Variants in TENM3 observed in about 807,000 individuals in gnomAD.
The protein encoded by TENM3 is teneurin transmembrane protein 3.
A neutral mutation model predicts 255.1 loss-of-function variants in TENM3; 63 were observed. The ratio of observed to expected loss-of-function variants is 0.25; its 90% CI spans 0.20 to 0.30. The LOEUF (loss-of-function observed/expected upper bound fraction) is 0.30, where lower values mean the gene tolerates loss of function less well. TENM3 is among the 10% of genes least tolerant of loss of function. TENM3 has a pLI of 1.00. For synonymous variants in TENM3, 1,306 were observed against 1,322.3 expected, an observed-to-expected ratio of 0.99 and a Z score of 0.27; for missense variants, 2,929 against 3,461.1, an observed-to-expected ratio of 0.85 and a Z score of 3.86.
chr4:181,809,436 G>A, the TENM3 span, among the ~76,000 whole-genome samples: 2 of 152,086 alleles, frequency 1.3e-5, no homozygotes, highest in Non-Finnish European at 2.9e-5. Context: ...TCCACGGTTC[G>A]GGTGTTTGTA....
the TENM3 span, among the ~76,000 whole-genome samples, chr4:181,883,979 A>C: frequency 6.6e-6 from 1 of 152,190 alleles, no homozygotes; most frequent in Non-Finnish European, 1.5e-5. Flanking sequence ...GGGAGGCTGC[A>C]TCCTGGTCCC....
At chr4:182,492,685 T>G (rs940396507) in intron 3 of TENM3, among the ~76,000 whole-genome samples, 1 of 152,124 alleles carries the variant, frequency 6.6e-6, no homozygotes, top group African/African-American at 2.4e-5. Flanking sequence ...TGCCAAATCT[T>G]CAGAGAGGTT....
intron 1 of TENM3, among the ~76,000 whole-genome samples, chr4:182,268,429 C>A (rs1401572263): frequency 2.0e-5 from 3 of 152,044 alleles, no homozygotes; most frequent in African/African-American, 7.2e-5. Flanking sequence ...CCCTCTGCAA[C>A]CCTTAAAATG....
the TENM3 span, among the ~76,000 whole-genome samples, chr4:181,530,559 T>TC: frequency 3.3e-5 from 5 of 152,116 alleles, no homozygotes; most frequent in Non-Finnish European, 7.4e-5. Flanking sequence ...AAAGCATTTT[T>TC]CCCCCCATTG....
chr4:181,692,906 G>A, the TENM3 span, among the ~76,000 whole-genome samples: 2 of 152,186 alleles, frequency 1.3e-5, no homozygotes, highest in East Asian at 3.9e-4. Context: ...CTTTGCCACA[G>A]AAGCTGGAGA....
At chr4:182,308,117 C>T (rs1762239338) in intron 1 of TENM3, among the ~76,000 whole-genome samples, 1 of 152,212 alleles carries the variant, frequency 6.6e-6, no homozygotes, top group South Asian at 2.1e-4. Context: ...GGGCCACTTA[C>T]TCAAGAGCCT....
Position 182,799,897 on chromosome 4 carries a change from T to G in TENM3, c.7646T>G (p.Phe2549Cys). ...ATCGAGGGCAAGGACACGCACTACT[T>G]CATCAAGACCACCACGCCCGAGAGC... ...FTIEGKDTHYFIKTTTPESDL... is the reference protein window; with the variant it reads ...FTIEGKDTHYCIKTTTPESDL... Residue 2549 changes from phenylalanine (F) to cysteine (C), a missense_variant, in exon 28 of 28, where the codon TTC becomes TGC. This residue lies in a region of TENM3 where 476 missense variants were observed against 480.1 expected (regional missense o/e 0.99). Coordinates refer to ENST00000511685, the MANE Select transcript of TENM3 (RefSeq NM_001080477.4). This position sits in a 1 kb window ranked among gnomAD's most constrained non-coding sequence, Gnocchi z 4.2. The G allele has an allele frequency of 6.2e-7, 1 of 1,609,552 alleles. No individual in the cohort carries two copies.
intron 1 of TENM3, among the ~76,000 whole-genome samples, chr4:182,215,379 C>G (rs1201743742): frequency 6.6e-6 from 1 of 152,112 alleles, no homozygotes; most frequent in Non-Finnish European, 1.5e-5. Context: ...CCACTTCACT[C>G]GATGAGTTTT....
chr4:181,877,936 G>C, the TENM3 span, among the ~76,000 whole-genome samples: 1 of 152,188 alleles, frequency 6.6e-6, no homozygotes, highest in African/African-American at 2.4e-5. Context: ...AAACAGAGGA[G>C]CCTAGTGTAG....
chr4:182,298,183 T>G (rs543878724), intron 1 of TENM3, among the ~76,000 whole-genome samples: 1 of 152,384 alleles, frequency 6.6e-6, no homozygotes, highest in Admixed American at 6.5e-5. Flanking sequence ...TTTATTTTGT[T>G]GTCTGTTTCC....
At chr4:182,332,430 C>T (rs919963479) in intron 2 of TENM3, among the ~76,000 whole-genome samples, 6 of 152,140 alleles carry the variant, frequency 3.9e-5, no homozygotes, top group Admixed American at 2.0e-4. Context: ...CAGTGGCTCA[C>T]GCCTGTAATC....
At chr4:181,971,704 C>T in the TENM3 span, among the ~76,000 whole-genome samples, 256 of 152,100 alleles carry the variant, frequency 1.7e-3, 2 homozygotes, top group Middle Eastern at 6.8e-3. Flanking sequence ...GTACGTAGGA[C>T]CACAGGCATG....
chr4:182,076,681 C>T, the TENM3 span, among the ~76,000 whole-genome samples: 14 of 152,290 alleles, frequency 9.2e-5, no homozygotes, highest in Admixed American at 9.2e-4. Flanking sequence ...ATGGCTGTTT[C>T]CTCCACACAA....
At chr4:181,583,311 T>C in the TENM3 span, among the ~76,000 whole-genome samples, 1 of 152,156 alleles carries the variant, frequency 6.6e-6, no homozygotes, top group East Asian at 1.9e-4. Flanking sequence ...AACCATGTTT[T>C]TGAGGGAGCT....
chr4:181,560,890 T>C, the TENM3 span, among the ~76,000 whole-genome samples: 3 of 152,160 alleles, frequency 2.0e-5, no homozygotes, highest in African/African-American at 4.8e-5. Context: ...GCTTTTTTTG[T>C]GGACAACAAC....
At chr4:181,891,953 G>T in the TENM3 span, among the ~76,000 whole-genome samples, 1 of 152,164 alleles carries the variant, frequency 6.6e-6, no homozygotes, top group South Asian at 2.1e-4. Context: ...CTTCGAAAAG[G>T]ACTTGACAGA....
At chr4:182,129,953 CTA>C in the TENM3 span, among the ~76,000 whole-genome samples, 1 of 152,036 alleles carries the variant, frequency 6.6e-6, no homozygotes, top group Non-Finnish European at 1.5e-5. Context: ...GTATACAAAT[CTA>C]TATTGAGTTG....
At position 182,388,264 on chromosome 4, in the gene TENM3, T is replaced by C. The variant is rs1768142811; in HGVS notation, c.511+41335T>C. On this transcript the variant is annotated intron_variant, in intron 3 of 27. Coordinates refer to ENST00000511685, the MANE Select transcript of TENM3 (RefSeq NM_001080477.4). Reference sequence around the variant, plus strand: ...GGTCTCCTTGACGTAGCAGTCCCTCTCAGTCCTCTGCCTGGCCTCATCAAG... The same window carrying C: ...GGTCTCCTTGACGTAGCAGTCCCTCCCAGTCCTCTGCCTGGCCTCATCAAG... Among the ~76,000 whole-genome samples the C allele has an allele frequency of 2.6e-5, 4 of 152,166 alleles. No individual in the cohort carries two copies. In the South Asian group the frequency reaches 8.3e-4, roughly 32 times the overall value.
chr4:181,751,691 C>T, the TENM3 span, among the ~76,000 whole-genome samples: 2 of 152,156 alleles, frequency 1.3e-5, no homozygotes, highest in Non-Finnish European at 2.9e-5. Context: ...ACAGTCATTG[C>T]TACAGAAAAA....
Sources: gnomAD v4.1 joint callset for allele counts (sites outside exome capture counted in the v4.1 genomes callset) on GRCh38, gnomAD v4.1.1 for gene constraint, gnomAD v4.1.1 regional missense constraint, Gnocchi (gnomAD v3.1) non-coding constraint, MANE v1.5 for transcripts, NCBI Gene and HGNC (gene_info 2026-07-23, HGNC 2026-07-21) for gene names.